The following CCDC148 variants were observed in gnomAD, a reference collection of about 807,000 sequenced individuals.
The protein encoded by CCDC148 is coiled-coil domain containing 148.
A neutral mutation model predicts 85.7 loss-of-function variants in CCDC148; 89 were observed. The ratio of observed to expected loss-of-function variants is 1.04; its 90% confidence interval spans 0.87 to 1.24. The LOEUF (loss-of-function observed/expected upper bound fraction) is 1.24, where lower values mean the gene tolerates loss of function less well. CCDC148 is among the 50% of genes most tolerant of loss of function. CCDC148 has a pLI of 0.00. For missense variants in CCDC148, 692 were observed against 671.7 expected (o/e 1.03, Z -0.33); for synonymous variants, 230 against 213.9 (o/e 1.08, Z -0.66).
At chr2:158,392,038 A>G (rs1685332771) in intron 1 of CCDC148, among the ~76,000 whole-genome samples, 1 of 152,126 alleles carries the variant, frequency 6.6e-6, no homozygotes, top group Admixed American at 6.6e-5. Flanking sequence ...AGATAAATTC[A>G]CGCTGCAGAA....
intron 1 of CCDC148, among the ~76,000 whole-genome samples, chr2:158,436,108 A>G (rs1356989859): frequency 6.6e-6 from 1 of 152,196 alleles, no homozygotes; most frequent in African/African-American, 2.4e-5. Flanking sequence ...AATTGAACTC[A>G]ACTCTGCACC....
chr2:158,266,703 G>A (rs983221756), intron 9 of CCDC148, among the ~76,000 whole-genome samples: 4 of 151,972 alleles, frequency 2.6e-5, no homozygotes, highest in Admixed American at 6.6e-5. Context: ...TCCCACTTAC[G>A]TGTGAGAACA....
At position 158,456,499 on chromosome 2, in the gene CCDC148, C is replaced by CA; in HGVS notation, c.-61dup. 6.3e-7 allele frequency: 1 copy of CA among 1,583,014 alleles called. No individual in the cohort carries two copies. The highest frequency in any genetic ancestry group is 1.2e-5 in the South Asian group (1 of 86,554). On this transcript the variant is annotated 5_prime_UTR_variant, in exon 1 of 14. Coordinates refer to ENST00000283233, the MANE Select transcript of CCDC148 (RefSeq NM_138803.4). ...CCAAACGCAGGAAAAGTGAAACGCC[C>CA]ACTCCTGGGCTCTCGCCGTCAGGGG...
In CCDC148 at chr2:158,345,166, C is replaced by T. The variant is rs116110389; in HGVS notation, c.251+49G>A. The T allele has an allele frequency of 4.5e-3, 5,698 of 1,273,230 alleles. 34 individuals are homozygous for T. Among genetic ancestry groups the T allele is most frequent in the East Asian group, 0.028 (1,185 of 42,458 alleles). 78.9% of individuals were successfully genotyped at this position (1,273,230 alleles called of 1,614,324 possible). A position where few individuals can be genotyped will look rare whatever the true frequency, so the allele number is the denominator to read the frequency against. ...TATAGAACATCTGACAAGATAAGTG[C>T]TATTCCTAGTAATTCCTACGTGTTC... On this transcript the variant is annotated intron_variant, in intron 3 of 13. Coordinates refer to ENST00000283233, the MANE Select transcript of CCDC148 (RefSeq NM_138803.4).
chr2:158,278,278 G>A (rs1219320338), intron 9 of CCDC148, among the ~76,000 whole-genome samples: 1 of 152,066 alleles, frequency 6.6e-6, no homozygotes. Context: ...GTGGGTGCAG[G>A]TCAGTGGGTG....
intron 1 of CCDC148, among the ~76,000 whole-genome samples, chr2:158,443,568 T>C (rs1247835408): frequency 7.2e-6 from 1 of 139,552 alleles, no homozygotes; most frequent in African/African-American, 2.7e-5. Flanking sequence ...TATTCAAACA[T>C]AGGTTCTGGA....
chr2:158,363,292 G>C (rs977885542), intron 1 of CCDC148, among the ~76,000 whole-genome samples: 3 of 152,116 alleles, frequency 2.0e-5, no homozygotes, highest in African/African-American at 7.2e-5. Context: ...GAAAAAGAGG[G>C]AATCCTCCCT....
At chr2:158,347,298 G>A (rs532177836) in intron 2 of CCDC148, among the ~76,000 whole-genome samples, 3 of 152,078 alleles carry the variant, frequency 2.0e-5, no homozygotes, top group Admixed American at 1.3e-4. Flanking sequence ...CAATGCTCTC[G>A]CCTTTGGGCC....
intron 10 of CCDC148, among the ~76,000 whole-genome samples, chr2:158,250,028 C>A (rs1054874824): frequency 6.6e-6 from 1 of 152,000 alleles, no homozygotes. Flanking sequence ...AGCTTAGCCA[C>A]TCCATTTAAA....
chr2:158,437,104 G>A (rs1026317586), intron 1 of CCDC148, among the ~76,000 whole-genome samples: 1 of 152,076 alleles, frequency 6.6e-6, no homozygotes. Flanking sequence ...AGAAAAAGAG[G>A]GAATCCTCCC....
rs980362507 is a variant in CCDC148 at position 158,451,596 on chromosome 2, A to G, written c.25+4819T>C. On this transcript the variant is annotated intron_variant, in intron 1 of 13. Transcript: ENST00000283233. ...GGCAAAATGATTCTACCCTGAAAAA[A>G]CAATTATATCACTAATTTTCTCAAA... Among the ~76,000 whole-genome samples, 21 of 152,232 alleles carry G rather than the reference A, an allele frequency of 1.4e-4. No homozygotes were observed. In the Middle Eastern group the frequency reaches 0.014, roughly 99 times the overall value.
chr2:158,456,154 A>C (rs1688696887), intron 1 of CCDC148, among the ~76,000 whole-genome samples: 1 of 152,222 alleles, frequency 6.6e-6, no homozygotes, highest in Non-Finnish European at 1.5e-5. Flanking sequence ...TGCTTTGAGA[A>C]TCAGGGAACA....
chr2:158,300,189 G>T (rs574686197), intron 9 of CCDC148, among the ~76,000 whole-genome samples: 2 of 152,174 alleles, frequency 1.3e-5, no homozygotes, highest in Non-Finnish European at 2.9e-5. Flanking sequence ...AGTTTCCTGA[G>T]AAATACATTA....
intron 8 of CCDC148, among the ~76,000 whole-genome samples, chr2:158,311,334 G>A (rs888483917): frequency 6.6e-6 from 1 of 152,252 alleles, no homozygotes; most frequent in African/African-American, 2.4e-5. Context: ...AGTCAGGCGT[G>A]GCGGCGCGAG....
intron 9 of CCDC148, among the ~76,000 whole-genome samples, chr2:158,277,926 T>A (rs1032504127): frequency 6.6e-6 from 1 of 152,142 alleles, no homozygotes; most frequent in African/African-American, 2.4e-5. Context: ...GTTAGTAACA[T>A]GTTCAATGTA....
In CCDC148 at chr2:158,433,084, A is replaced by AT. The variant is rs1316347225; in HGVS notation, c.25+23330_25+23331insA. ...AAAACCTCATCTCTACAAAAAAAAA[A>AT]AAAAAAAATATATATATATATATAT... is the stretch of plus-strand genomic sequence containing the variant. On this transcript the variant is annotated intron_variant, in intron 1 of 13. Transcript: ENST00000283233. Among the ~76,000 whole-genome samples, 26 of 96,726 alleles carry AT rather than the reference A, an allele frequency of 2.7e-4. No individual in the cohort carries two copies. In the East Asian group the frequency reaches 4.4e-3, roughly 16 times the overall value. 63.5% of individuals were successfully genotyped at this position (96,726 alleles called of 152,430 possible). A position where few individuals can be genotyped will look rare whatever the true frequency, so the allele number is the denominator to read the frequency against.
intron 11 of CCDC148, among the ~76,000 whole-genome samples, chr2:158,204,442 C>T (rs1456240357): frequency 6.6e-6 from 1 of 152,034 alleles, no homozygotes; most frequent in East Asian, 1.9e-4. Context: ...AGGCTTCTGC[C>T]TTTTTTTGTT....
At chr2:158,453,938 G>C (rs1688503542) in intron 1 of CCDC148, among the ~76,000 whole-genome samples, 1 of 152,096 alleles carries the variant, frequency 6.6e-6, no homozygotes. Flanking sequence ...TTTTCCCAAG[G>C]TGGCCAGGCT....
At chr2:158,333,524 C>G (rs754928672) in intron 7 of CCDC148, among the ~76,000 whole-genome samples, 1 of 152,096 alleles carries the variant, frequency 6.6e-6, no homozygotes, top group Non-Finnish European at 1.5e-5. Flanking sequence ...CTGTAGATGT[C>G]TATTAGGTCC....
Sources: gnomAD v4.1 joint callset for allele counts (sites outside exome capture counted in the v4.1 genomes callset) on GRCh38, gnomAD v4.1.1 for gene constraint, MANE v1.5 for transcripts, NCBI Gene and HGNC (gene_info 2026-07-23, HGNC 2026-07-21) for gene names.